The following MARVELD2 variants were observed in gnomAD, a reference collection of about 807,000 sequenced individuals.
MARVELD2 encodes MARVEL domain containing 2.
MARVELD2 carries 49 observed loss-of-function variants against 57.6 expected under a neutral mutation model. The observed-to-expected ratio is 0.85, with a 90% CI of 0.68 to 1.08. MARVELD2 has a LOEUF of 1.08. Among genes scored for constraint, MARVELD2 ranks in the 50% least tolerant of loss-of-function variants. The pLI is 0.00. For synonymous variants in MARVELD2, 238 were observed against 258.8 expected (o/e 0.92, Z 0.77); for missense variants, 606 against 701.1 (o/e 0.86, Z 1.53).
In MARVELD2 at chr5:69,424,624, GA is replaced by G; in HGVS notation, c.1174del (p.Arg392GlyfsTer23). 1 of 1,601,968 alleles carries G rather than the reference GA, an allele frequency of 6.2e-7. No homozygotes were observed. The highest frequency in any genetic ancestry group is 8.6e-7 in the Non-Finnish European group (1 of 1,168,658). ...QEINEPSLSSKRKMCEMATSG... is the reference protein window; with the variant it reads ...QEINEPSLSSXRKMCEMATSG... ...AGATAAATGAGCCATCATTGTCATC[GA>G]AAAGGAAAATGGTAAGAATAAAGTT... On this transcript the variant is annotated frameshift_variant, in exon 3 of 7. Transcript: ENST00000325631. LOFTEE classifies it high-confidence loss of function.
intron 2 of MARVELD2, among the ~76,000 whole-genome samples, chr5:69,420,883 T>C (rs986488040): frequency 6.6e-6 from 1 of 152,200 alleles, no homozygotes; most frequent in Admixed American, 6.5e-5. Context: ...GTAAAATAAG[T>C]GTCTCATCAT....
In MARVELD2 at chr5:69,443,147, C is replaced by T. The variant is rs1767374574; in HGVS notation, c.*1493C>T. ...CCCAGCTGGTATTGCTTTTCTATTC[C>T]CTTTGGACATACATGCTACAGTCCC... On this transcript the variant is annotated 3_prime_UTR_variant, in exon 7 of 7. Transcript: ENST00000325631. 1 of 151,850 alleles carries T rather than the reference C, an allele frequency of 6.6e-6. No homozygotes were observed. The highest frequency in any genetic ancestry group is 2.4e-5 in the African/African-American group (1 of 41,294). 9.4% of individuals were successfully genotyped at this position (151,850 alleles called of 1,614,324 possible).
At chr5:69,416,279 A>C (rs865827492) in intron 1 of MARVELD2, among the ~76,000 whole-genome samples, 2 of 152,348 alleles carry the variant, frequency 1.3e-5, no homozygotes, top group Middle Eastern at 3.4e-3. Context: ...TTTTAGAGAA[A>C]GAAAGAGAAA....
chr5:69,416,107 A>G (rs1327826861), intron 1 of MARVELD2, among the ~76,000 whole-genome samples: 1 of 152,248 alleles, frequency 6.6e-6, no homozygotes, highest in Non-Finnish European at 1.5e-5. Context: ...TAAATCCATT[A>G]CAGTGAATCG....
At chr5:69,434,352 A>G (rs1322009461) in intron 5 of MARVELD2, among the ~76,000 whole-genome samples, 1 of 151,834 alleles carries the variant, frequency 6.6e-6, no homozygotes, top group African/African-American at 2.4e-5. Flanking sequence ...TAGACCCAGC[A>G]GGAGGCTGAG....
At chr5:69,424,728 T>A (rs948707873) in intron 3 of MARVELD2, 92 bp downstream of exon 3, 5 of 1,056,394 alleles carry the variant, frequency 4.7e-6, no homozygotes, top group Non-Finnish European at 7.2e-6. Context: ...CGTACATCTG[T>A]GAAATGTAGC....
At chr5:69,435,022 C>CTTTT (rs754658859) in intron 5 of MARVELD2, among the ~76,000 whole-genome samples, 2 of 121,706 alleles carry the variant, frequency 1.6e-5, no homozygotes, top group South Asian at 2.8e-4. Context: ...CAGATGTACT[C>CTTTT]TTTTTTTTTT....
chr5:69,420,885 T>C (rs917619470), intron 2 of MARVELD2, among the ~76,000 whole-genome samples: 3 of 152,220 alleles, frequency 2.0e-5, no homozygotes, highest in Admixed American at 2.0e-4. Flanking sequence ...AAAATAAGTG[T>C]CTCATCATTA....
intron 1 of MARVELD2, among the ~76,000 whole-genome samples, chr5:69,418,304 C>T (rs1258552150): frequency 1.3e-5 from 2 of 152,166 alleles, no homozygotes; most frequent in Non-Finnish European, 2.9e-5. Context: ...AGAAATTCAG[C>T]ATACCTTAAA....
intron 2 of MARVELD2, among the ~76,000 whole-genome samples, chr5:69,423,433 AT>A (rs1251964675): frequency 1.3e-5 from 2 of 151,770 alleles, no homozygotes; most frequent in Non-Finnish European, 2.9e-5. Flanking sequence ...ATTTTTCAAT[AT>A]TTTTTGTAGA....
intron 6 of MARVELD2, among the ~76,000 whole-genome samples, chr5:69,441,191 A>C (rs1460907453): frequency 6.6e-6 from 1 of 151,900 alleles, no homozygotes; most frequent in Non-Finnish European, 1.5e-5. Flanking sequence ...CATGTTGCCT[A>C]AGCTGGCCTC....
intron 5 of MARVELD2, 73 bp from the exon 6 acceptor site, chr5:69,440,377 C>T: frequency 4.0e-6 from 3 of 749,576 alleles, no homozygotes; most frequent in East Asian, 2.6e-5. Flanking sequence ...TGTTCTAATT[C>T]TCAGTGTGCT....
intron 3 of MARVELD2, among the ~76,000 whole-genome samples, chr5:69,431,573 G>A (rs1466397548): frequency 6.6e-6 from 1 of 151,924 alleles, no homozygotes. Flanking sequence ...TTTAGTTGGG[G>A]TGTAAATTCT....
intron 2 of MARVELD2, 88 bp downstream of exon 2, chr5:69,420,619 A>C: frequency 7.9e-7 from 1 of 1,271,846 alleles, no homozygotes. Flanking sequence ...TAGCGCTCAA[A>C]ACAGAAAGCT....
At chr5:69,439,427 C>G (rs558859156) in intron 5 of MARVELD2, among the ~76,000 whole-genome samples, 6 of 151,966 alleles carry the variant, frequency 3.9e-5, no homozygotes, top group Admixed American at 1.3e-4. Context: ...TCCCAAAATG[C>G]TGGGATTACA....
At chr5:69,419,321 T>C in intron 1 of MARVELD2, 50 bp from the exon 2 acceptor site, 1 of 1,575,620 alleles carries the variant, frequency 6.3e-7, no homozygotes, top group Middle Eastern at 1.7e-4. Context: ...TCAGCATCAT[T>C]GAGAGGATAA....
At chr5:69,433,217 C>T in intron 5 of MARVELD2, 124 bp downstream of exon 5, 2 of 972,692 alleles carry the variant, frequency 2.1e-6, no homozygotes, top group Non-Finnish European at 3.0e-6. Context: ...GGCTGGAGTG[C>T]AGTGGCACAA....
chr5:69,420,650 C>A, intron 2 of MARVELD2, 119 bp downstream of exon 2: 6 of 976,034 alleles, frequency 6.1e-6, no homozygotes, highest in Non-Finnish European at 9.0e-6. Flanking sequence ...TCTTTTCTTT[C>A]TTCCTTTTTT....
At chr5:69,441,015 C>A (rs1262630956) in intron 6 of MARVELD2, among the ~76,000 whole-genome samples, 1 of 151,888 alleles carries the variant, frequency 6.6e-6, no homozygotes, top group Non-Finnish European at 1.5e-5. Flanking sequence ...GCCTGGGAGG[C>A]AGAGGTTGCA....
Sources: gnomAD v4.1 joint callset for allele counts (sites outside exome capture counted in the v4.1 genomes callset) on GRCh38, gnomAD v4.1.1 for gene constraint, MANE v1.5 for transcripts, NCBI Gene and HGNC (gene_info 2026-07-23, HGNC 2026-07-21) for gene names.